R3HDM1: variants seen among roughly 807,000 people sequenced by gnomAD.
R3HDM1 encodes R3H domain containing 1, also known as R3H domain-containing protein 1.
In R3HDM1, 46 loss-of-function variants were observed where a neutral mutation model predicts 141.1. That is an observed-to-expected ratio of 0.33 (90% CI 0.26 to 0.42). R3HDM1 has a LOEUF of 0.42. Ranked by LOEUF, R3HDM1 falls within the 10% of genes least tolerant of loss-of-function variation. The pLI, the probability that R3HDM1 is intolerant of heterozygous loss-of-function variation, is 1.00. For synonymous variants in R3HDM1, 435 were observed against 472.9 expected, an observed-to-expected ratio of 0.92 and a Z score of 1.04; for missense variants, 1,184 against 1,368.3, an observed-to-expected ratio of 0.87 and a Z score of 2.12.
intron 11 of R3HDM1, among the ~76,000 whole-genome samples, chr2:135,636,460 A>AT (rs1044054555): frequency 8.5e-5 from 13 of 152,088 alleles, no homozygotes; most frequent in East Asian, 3.9e-4. Context: ...AGTTTGTGTG[A>AT]TTTTTTTTCC....
chr2:135,601,279 T>C (rs932890648), intron 1 of R3HDM1, among the ~76,000 whole-genome samples: 18 of 152,220 alleles, frequency 1.2e-4, no homozygotes, highest in African/African-American at 4.3e-4. Context: ...ATATTTGTTT[T>C]TGATACCCCC....
intron 1 of R3HDM1, chr2:135,583,810 A>G: frequency 1.0e-6 from 1 of 985,460 alleles, no homozygotes; most frequent in Non-Finnish European, 1.2e-6. Flanking sequence ...AATAAAGAAG[A>G]AAGTTTATCA....
intron 1 of R3HDM1, among the ~76,000 whole-genome samples, chr2:135,600,361 G>C (rs1437406435): frequency 6.6e-6 from 1 of 152,096 alleles, no homozygotes; most frequent in Admixed American, 6.6e-5. Flanking sequence ...CTGTGTAGTG[G>C]TAGGGGTCAG....
Position 135,707,244 on chromosome 2 carries a change from A to G in R3HDM1, c.2460-2189A>G, listed in dbSNP as rs542457975. On this transcript the variant is annotated intron_variant, in intron 21 of 26. Coordinates refer to ENST00000683871, the MANE Select transcript of R3HDM1 (RefSeq NM_001378107.1). The stretch of plus-strand genomic sequence containing the variant: ...CAAAGGAGGAGAAACTTGTGAAATT[A>G]CTATAGAACTGATTCATCTCTGGTA... Among the ~76,000 whole-genome samples the G allele has an allele frequency of 1.6e-3, 243 of 152,340 alleles. 2 individuals carry two copies. Among genetic ancestry groups the G allele is most frequent in the Non-Finnish European group, 2.2e-4 (15 of 68,034 alleles).
At chr2:135,683,570 A>AAAC (rs1553620829) in intron 21 of R3HDM1, among the ~76,000 whole-genome samples, 8,399 of 141,766 alleles carry the variant, frequency 0.059, 722 homozygotes, top group African/African-American at 0.15. Flanking sequence ...AAAAAAAAAA[A>AAAC]AATTCATTAA....
chr2:135,651,283 C>T (rs1263908602), intron 17 of R3HDM1: 3 of 984,800 alleles, frequency 3.0e-6, no homozygotes, highest in African/African-American at 1.7e-5. Context: ...ATAGAATTTG[C>T]ATTTTGCCTT....
intron 5 of R3HDM1, 34 bp from the exon 6 acceptor site, chr2:135,621,459 AT>A (rs2061504846): frequency 7.6e-7 from 1 of 1,312,732 alleles, no homozygotes; most frequent in Admixed American, 2.2e-5. Flanking sequence ...ATTGTATTGT[AT>A]TTTCATTGAA....
At chr2:135,558,720 A>G (rs148776854) in intron 1 of R3HDM1, among the ~76,000 whole-genome samples, 11 of 152,332 alleles carry the variant, frequency 7.2e-5, no homozygotes, top group African/African-American at 2.6e-4. Context: ...TTATGGACTG[A>G]GTACAGAATA....
At chr2:135,585,256 A>G (rs1488702334) in intron 1 of R3HDM1, among the ~76,000 whole-genome samples, 1 of 152,104 alleles carries the variant, frequency 6.6e-6, no homozygotes, top group Non-Finnish European at 1.5e-5. Flanking sequence ...AGGTGTTAAT[A>G]TTTTTTCACA....
intron 23 of R3HDM1, among the ~76,000 whole-genome samples, chr2:135,713,966 A>G (rs1446300425): frequency 6.6e-6 from 1 of 152,196 alleles, no homozygotes; most frequent in East Asian, 1.9e-4. Flanking sequence ...GTCTTACCTT[A>G]GTGTAATATA....
At chr2:135,706,003 C>T (rs186887445) in intron 21 of R3HDM1, among the ~76,000 whole-genome samples, 134 of 152,126 alleles carry the variant, frequency 8.8e-4, no homozygotes, top group African/African-American at 3.1e-3. Flanking sequence ...GTGGCGGGCA[C>T]CTGTAGTCCC....
chr2:135,704,082 G>A (rs2074573961), intron 21 of R3HDM1, among the ~76,000 whole-genome samples: 1 of 152,200 alleles, frequency 6.6e-6, no homozygotes, highest in Admixed American at 6.5e-5. Context: ...CTAGGCTCAA[G>A]CAGTTCTCCT....
At position 135,641,525 on chromosome 2, in the gene R3HDM1, T is replaced by C; in HGVS notation, c.1220-11T>C. On this transcript the variant is annotated splice_polypyrimidine_tract_variant and intron_variant, in intron 14 of 26. Transcript: ENST00000683871. The stretch of plus-strand genomic sequence containing the variant: ...TTAAAAAATCCATATTTTTCATTAC[T>C]CCTCTTCTAGGTTCTGAGTCTTCTG... The C allele has an allele frequency of 6.3e-7, 1 of 1,579,886 alleles. No homozygotes were observed. The highest frequency in any genetic ancestry group is 8.6e-7 in the Non-Finnish European group (1 of 1,168,638).
Position 135,680,256 on chromosome 2 carries a change from A to T in R3HDM1, c.2391A>T (p.Gly797=). The T allele has an allele frequency of 6.2e-7, 1 of 1,613,988 alleles. No individual in the cohort carries two copies. Among genetic ancestry groups the T allele is most frequent in the Non-Finnish European group, 8.5e-7 (1 of 1,179,878 alleles). Residue 797 remains glycine (G), a synonymous_variant, in exon 21 of 27, where the codon GGA becomes GGT. Coordinates refer to ENST00000683871, the MANE Select transcript of R3HDM1 (RefSeq NM_001378107.1). The part of the protein sequence containing the change: ...PVMFPNQSNQ[G]SMPTTGMPVY... Reference sequence around the variant, plus strand: ...TGTTCCCTAATCAGTCTAATCAAGGATCTATGCCCACAACAGGAATGCCTG... The same window carrying T: ...TGTTCCCTAATCAGTCTAATCAAGGTTCTATGCCCACAACAGGAATGCCTG...
chr2:135,656,752 C>T (rs982184025), intron 18 of R3HDM1, among the ~76,000 whole-genome samples: 2 of 152,140 alleles, frequency 1.3e-5, no homozygotes, highest in Admixed American at 1.3e-4. Context: ...TACATTGCAT[C>T]TCTATATATT....
At chr2:135,620,687 T>C (rs932944776) in intron 5 of R3HDM1, 5 of 943,926 alleles carry the variant, frequency 5.3e-6, no homozygotes, top group Non-Finnish European at 6.3e-6. Flanking sequence ...AAAACTGGTG[T>C]AGAATTTATT....
intron 1 of R3HDM1, among the ~76,000 whole-genome samples, chr2:135,582,144 A>G (rs1397269630): frequency 4.6e-5 from 7 of 152,172 alleles, no homozygotes; most frequent in Admixed American, 3.9e-4. Context: ...CCTGGCTAAC[A>G]TGGTGAAACC....
chr2:135,650,692 G>A (rs1056907773), intron 17 of R3HDM1: 1 of 983,830 alleles, frequency 1.0e-6, no homozygotes, highest in African/African-American at 1.7e-5. Flanking sequence ...GTGTTAAAGT[G>A]TCAAAGTGAC....
chr2:135,680,445 GA>G (rs2070070859), intron 21 of R3HDM1, 121 bp downstream of exon 21: 8 of 1,127,978 alleles, frequency 7.1e-6, no homozygotes, highest in South Asian at 1.6e-5. Context: ...ATGTAGAATA[GA>G]AAAAAACTAT....
Sources: gnomAD v4.1 joint callset for allele counts (sites outside exome capture counted in the v4.1 genomes callset) on GRCh38, gnomAD v4.1.1 for gene constraint, MANE v1.5 for transcripts, NCBI Gene and HGNC (gene_info 2026-07-23, HGNC 2026-07-21) for gene names.